Variants in UMODL1 observed in about 807,000 individuals in gnomAD.
UMODL1 encodes uromodulin-like 1.
In UMODL1, 128 loss-of-function variants were observed where a neutral mutation model predicts 136.3. The ratio of observed to expected loss-of-function variants is 0.94; its 90% CI spans 0.81 to 1.09. The LOEUF (loss-of-function observed/expected upper bound fraction) is 1.09. Ranked by LOEUF, UMODL1 falls within the 50% of genes least tolerant of loss-of-function variation. UMODL1 has a pLI of 0.00. For missense variants in UMODL1, 1,766 were observed against 1,725.6 expected, an observed-to-expected ratio of 1.02 and a Z score of -0.41; for synonymous variants, 721 against 720.0, an observed-to-expected ratio of 1.00 and a Z score of -0.02.
intron 16 of UMODL1, 144 bp downstream of exon 16, chr21:42,121,368 C>CGTGTGTGT (rs60666132): frequency 4.5e-5 from 32 of 713,080 alleles, no homozygotes; most frequent in African/African-American, 4.3e-4. Flanking sequence ...TGTGGGTGCA[C>CGTGTGTGT]GTGTGTGTGT....
rs185926539 is a variant in UMODL1, at chr21:42,090,360, C to G, written c.853C>G (p.Leu285Val). The G allele has an allele frequency of 6.2e-7, 1 of 1,613,988 alleles. No homozygotes were observed. The highest frequency in any genetic ancestry group is 8.5e-7 in the Non-Finnish European group (1 of 1,179,992). Reference protein sequence around the residue: ...ACSGRELCANLEGSYWCVCHQ... With the variant: ...ACSGRELCANVEGSYWCVCHQ... Reference sequence around the variant, plus strand: ...CTCTGGAAGGGAACTGTGCGCAAACCTGGAGGGCTCGTACTGGTGCGTCTG... The same window carrying G: ...CTCTGGAAGGGAACTGTGCGCAAACGTGGAGGGCTCGTACTGGTGCGTCTG... The change falls in exon 6 of 23, where the codon CTG (leucine) becomes GTG (valine). Residue 285 changes from leucine (L) to valine (V), a missense_variant. Physicochemically the swap from Leu to Val is conservative, Grantham distance 32 (BLOSUM62 1). Coordinates refer to ENST00000408910, the MANE Select transcript of UMODL1 (RefSeq NM_001004416.3).
chr21:42,117,183 G>T (rs1221494973), intron 14 of UMODL1, among the ~76,000 whole-genome samples: 1 of 152,222 alleles, frequency 6.6e-6, no homozygotes, highest in Non-Finnish European at 1.5e-5. Context: ...ACATTTCACA[G>T]AAACAGAATC....
At chr21:42,063,993 G>C (rs1319886846) in intron 1 of UMODL1, among the ~76,000 whole-genome samples, 1 of 152,146 alleles carries the variant, frequency 6.6e-6, no homozygotes, top group African/African-American at 2.4e-5. Flanking sequence ...GGATGTGTGG[G>C]CTGACTCGTA....
intron 12 of UMODL1, among the ~76,000 whole-genome samples, 178 bp from the exon 13 acceptor site, chr21:42,113,395 G>A (rs529859299): frequency 5.3e-5 from 8 of 152,332 alleles, no homozygotes; most frequent in South Asian, 2.1e-4. Context: ...TGCAGGCCCA[G>A]GAAGCCCGGG....
chr21:42,069,148 A>G (rs181954461), upstream of UMODL1, among the ~76,000 whole-genome samples: 4 of 151,896 alleles, frequency 2.6e-5, no homozygotes, highest in Non-Finnish European at 1.5e-5. Flanking sequence ...AATGTGAAAA[A>G]TCCCTCCGGC....
rs371570319 is a variant in UMODL1 at position 42,076,435 on chromosome 21, G to A, written c.319+188G>A. On this transcript the variant is annotated intron_variant, in intron 2 of 22. Transcript: ENST00000408910. ...GCCCCACTCCTAGGTTTCTGAGTCC[G>A]TGGGTGGGGGTGAAGTACAAGAATT... is the stretch of plus-strand genomic sequence containing the variant. Among the ~76,000 whole-genome samples, 15 of 152,320 alleles carry A rather than the reference G, an allele frequency of 9.8e-5. 1 individual carries two copies. The highest frequency in any genetic ancestry group is 8.3e-4 in the South Asian group (4 of 4,830).
At chr21:42,095,774 G>C (rs758011785) in intron 6 of UMODL1, among the ~76,000 whole-genome samples, 10 of 152,080 alleles carry the variant, frequency 6.6e-5, no homozygotes, top group Non-Finnish European at 1.0e-4. Context: ...ACCTTTCTAG[G>C]CCTCAGTTTT....
rs568519251 is a variant in UMODL1 at position 42,118,960 on chromosome 21, C to CA, written c.2476-150dup. 347 of 667,156 alleles carry CA rather than the reference C, an allele frequency of 5.2e-4. 1 individual carries two copies. In the South Asian group the frequency reaches 6.0e-3, roughly 11 times the overall value. 41.3% of individuals were successfully genotyped at this position (667,156 alleles called of 1,614,324 possible). A position where few individuals can be genotyped will look rare whatever the true frequency, so the allele number is the denominator to read the frequency against. The stretch of plus-strand genomic sequence containing the variant: ...GTGCTGGGCTTGAAAACACAGCAGA[C>CA]AGGAAAGGGGCCCAGAACCAACCTG... On this transcript the variant is annotated intron_variant, in intron 14 of 22. Coordinates refer to ENST00000408910, the MANE Select transcript of UMODL1 (RefSeq NM_001004416.3).
chr21:42,113,108 T>C (rs2066857453), intron 12 of UMODL1: 1 of 157,566 alleles, frequency 6.3e-6, no homozygotes, highest in African/African-American at 2.4e-5. Flanking sequence ...AAGACTAAAC[T>C]CTTAGCCCAT....
chr21:42,096,477 C>G (rs1259450066), intron 6 of UMODL1, among the ~76,000 whole-genome samples: 1 of 152,216 alleles, frequency 6.6e-6, no homozygotes, highest in Non-Finnish European at 1.5e-5. Context: ...GCCCCGTACC[C>G]TGTGAGACTT....
intron 12 of UMODL1, 70 bp downstream of exon 12, chr21:42,111,780 A>G (rs2066835918): frequency 7.0e-7 from 1 of 1,436,672 alleles, no homozygotes; most frequent in South Asian, 1.4e-5. Context: ...CCTCTGGGGC[A>G]AAGCTCCTGC....
intron 8 of UMODL1, 103 bp from the exon 9 acceptor site, chr21:42,103,765 G>T (rs1412107618): frequency 7.4e-7 from 1 of 1,360,526 alleles, no homozygotes; most frequent in Non-Finnish European, 1.0e-6. Context: ...TGATTGTAGA[G>T]GAGAGAAATG....
intron 2 of UMODL1, among the ~76,000 whole-genome samples, chr21:42,079,349 AG>A (rs997708377): frequency 3.3e-5 from 5 of 152,236 alleles, no homozygotes. Flanking sequence ...TGTTGGAATC[AG>A]CCCCACTTTT....
At chr21:42,098,777 AC>A in intron 6 of UMODL1, 148 bp from the exon 7 acceptor site, 1 of 1,286,272 alleles carries the variant, frequency 7.8e-7, no homozygotes, top group Non-Finnish European at 1.1e-6. Context: ...AAAACAAAAA[AC>A]AAAAAATAGC....
At chr21:42,125,683 G>T (rs146274247) in intron 17 of UMODL1, among the ~76,000 whole-genome samples, 1 of 152,206 alleles carries the variant, frequency 6.6e-6, no homozygotes, top group Non-Finnish European at 1.5e-5. Flanking sequence ...GTGGCTTCTC[G>T]GCAGTTTCCC....
chr21:42,120,369 C>T (rs1274964170), intron 15 of UMODL1: 1 of 152,228 alleles, frequency 6.6e-6, no homozygotes, highest in Non-Finnish European at 1.5e-5. Context: ...TCTGTTTGGA[C>T]CGTAGTTTAA....
At chr21:42,121,318 G>A (rs549024555) in intron 16 of UMODL1, 94 bp downstream of exon 16, 1 of 1,475,274 alleles carries the variant, frequency 6.8e-7, no homozygotes, top group South Asian at 1.3e-5. Flanking sequence ...GTCCCTCTGA[G>A]GTCATATTTT....
At chr21:42,107,470 G>A (rs1001135631) in intron 9 of UMODL1, among the ~76,000 whole-genome samples, 5 of 152,178 alleles carry the variant, frequency 3.3e-5, no homozygotes, top group African/African-American at 4.8e-5. Flanking sequence ...GAGAAGGGCC[G>A]TGAGTGAGGA....
intron 18 of UMODL1, 91 bp from the exon 19 acceptor site, chr21:42,126,915 G>A (rs1443814374): frequency 9.6e-7 from 1 of 1,040,848 alleles, no homozygotes; most frequent in Non-Finnish European, 1.5e-6. Context: ...CGTTCCTCTG[G>A]AGCTGTGTTT....
Sources: gnomAD v4.1 joint callset for allele counts (sites outside exome capture counted in the v4.1 genomes callset) on GRCh38, gnomAD v4.1.1 for gene constraint, MANE v1.5 for transcripts, NCBI Gene and HGNC (gene_info 2026-07-23, HGNC 2026-07-21) for gene names.